The following TENM4 variants were observed in gnomAD, a reference collection of about 807,000 sequenced individuals.
TENM4 encodes the protein teneurin transmembrane protein 4.
TENM4 carries 82 observed loss-of-function variants against 243.3 expected under a neutral mutation model. That is an observed-to-expected ratio of 0.34 (90% CI 0.28 to 0.40). The LOEUF is 0.40. TENM4 is among the 10% of genes least tolerant of loss of function. The pLI is 1.00. For synonymous variants in TENM4, 1,412 were observed against 1,456.3 expected, an observed-to-expected ratio of 0.97 and a Z score of 0.69; for missense variants, 3,138 against 3,673.3, an observed-to-expected ratio of 0.85 and a Z score of 3.77.
chr11:79,328,685 A>G (rs1255211804), intron 1 of TENM4, among the ~76,000 whole-genome samples: 2 of 152,200 alleles, frequency 1.3e-5, no homozygotes, highest in Non-Finnish European at 2.9e-5. Context: ...CGAGGGGATC[A>G]TCTTCTACAA....
chr11:78,772,173 G>C (rs1856659544), intron 17 of TENM4, among the ~76,000 whole-genome samples: 2 of 152,000 alleles, frequency 1.3e-5, no homozygotes, highest in South Asian at 4.2e-4. Context: ...TTATAAAGTG[G>C]GGAAGTTTTT....
intron 2 of TENM4, among the ~76,000 whole-genome samples, chr11:79,272,221 A>G (rs1205892404): frequency 6.6e-6 from 1 of 152,038 alleles, no homozygotes; most frequent in Non-Finnish European, 1.5e-5. Context: ...TTTCCATTCA[A>G]CAGTCATTGC....
At chr11:79,327,677 C>T (rs888592284) in intron 1 of TENM4, among the ~76,000 whole-genome samples, 1 of 143,854 alleles carries the variant, frequency 7.0e-6, no homozygotes. Flanking sequence ...TTTTAACCTC[C>T]AAGTCCTGTA....
At chr11:79,066,494 C>A in intron 5 of TENM4, among the ~76,000 whole-genome samples, 1 of 152,188 alleles carries the variant, frequency 6.6e-6, no homozygotes, top group East Asian at 1.9e-4. Context: ...GAATCCAACA[C>A]CTATCACACC....
At chr11:79,292,197 G>A (rs187768042) in intron 2 of TENM4, among the ~76,000 whole-genome samples, 2 of 152,242 alleles carry the variant, frequency 1.3e-5, no homozygotes, top group East Asian at 3.9e-4. Context: ...CGGTCCATGA[G>A]GTCTTGGGGA....
At chr11:78,912,729 G>C (rs1237039367) in intron 6 of TENM4, among the ~76,000 whole-genome samples, 1 of 152,196 alleles carries the variant, frequency 6.6e-6, no homozygotes, top group African/African-American at 2.4e-5. Flanking sequence ...CAGAGTTTTG[G>C]CAACTGCCAG....
intron 6 of TENM4, among the ~76,000 whole-genome samples, chr11:79,028,689 GCT>G (rs556833514): frequency 6.6e-5 from 10 of 152,188 alleles, no homozygotes; most frequent in Non-Finnish European, 1.5e-4. Flanking sequence ...GTAGCTGTGG[GCT>G]GTGAACTGCT....
chr11:79,299,017 C>T (rs1470063820), intron 1 of TENM4, among the ~76,000 whole-genome samples: 1 of 151,986 alleles, frequency 6.6e-6, no homozygotes, highest in Non-Finnish European at 1.5e-5. Flanking sequence ...GTCATTAAAA[C>T]CATTCGGACA....
chr11:78,775,662 C>T (rs1307264721), intron 17 of TENM4, among the ~76,000 whole-genome samples: 6 of 152,234 alleles, frequency 3.9e-5, no homozygotes, highest in South Asian at 2.1e-4. Context: ...GCAATATGCC[C>T]GTCCTTACCC....
At chr11:79,183,575 G>GTTCA (rs1283272347) in intron 3 of TENM4, among the ~76,000 whole-genome samples, 1 of 152,182 alleles carries the variant, frequency 6.6e-6, no homozygotes, top group Non-Finnish European at 1.5e-5. Flanking sequence ...GTCAATGTAG[G>GTTCA]TTCATCAGTG....
intron 6 of TENM4, among the ~76,000 whole-genome samples, chr11:79,035,785 C>T (rs1434215497): frequency 6.6e-6 from 1 of 152,180 alleles, no homozygotes; most frequent in Non-Finnish European, 1.5e-5. Flanking sequence ...AGCATATTCA[C>T]ATTTGAATTC....
intron 6 of TENM4, among the ~76,000 whole-genome samples, chr11:78,954,771 A>C (rs567459402): frequency 6.6e-6 from 1 of 152,390 alleles, no homozygotes; most frequent in East Asian, 1.9e-4. Context: ...CAGCAGTTTA[A>C]AGGAACATAA....
At chr11:78,706,759 G>A (rs538193399) in intron 27 of TENM4, among the ~76,000 whole-genome samples, 1 of 152,140 alleles carries the variant, frequency 6.6e-6, no homozygotes, top group East Asian at 1.9e-4. Context: ...GAAAATTTTC[G>A]GCACCCTGTG....
intron 1 of TENM4, among the ~76,000 whole-genome samples, chr11:79,437,355 C>A (rs909469163): frequency 6.6e-6 from 1 of 152,238 alleles, no homozygotes; most frequent in Non-Finnish European, 1.5e-5. Flanking sequence ...GAAAGCCCAA[C>A]TGCAGAGCGC....
chr11:78,820,696 A>G (rs1857707542), intron 12 of TENM4, among the ~76,000 whole-genome samples: 1 of 152,254 alleles, frequency 6.6e-6, no homozygotes, highest in Non-Finnish European at 1.5e-5. Context: ...CCACAGACAC[A>G]TAGGCACACA....
Position 78,658,530 on chromosome 11 carries a change from C to T in TENM4, c.7838G>A (p.Gly2613Glu), listed in dbSNP as rs573376955. The T allele has an allele frequency of 6.2e-7, 1 of 1,614,020 alleles. No individual in the cohort carries two copies. The highest frequency in any genetic ancestry group is 2.2e-5 in the East Asian group (1 of 44,886). ...YLENLHFTID[G>E]VDTHYFVKPG... ...TTTCACAAAGTAATGGGTATCCACCCCATCAATGGTGAAGTGCAGGTTCTC... is the reference window on the plus strand; with the variant it reads ...TTTCACAAAGTAATGGGTATCCACCTCATCAATGGTGAAGTGCAGGTTCTC... Residue 2613 changes from glycine to glutamate, a missense_variant, in exon 34 of 34, where the codon GGG becomes GAG. Physicochemically the swap from Gly to Glu is moderately conservative, Grantham distance 98 (BLOSUM62 -2). Transcript: ENST00000278550.
chr11:78,719,270 T>C (rs1159133183), intron 25 of TENM4, among the ~76,000 whole-genome samples: 5 of 152,192 alleles, frequency 3.3e-5, no homozygotes, highest in Non-Finnish European at 7.3e-5. Flanking sequence ...ACTGATGTAA[T>C]CATGGATATC....
intron 6 of TENM4, chr11:79,064,520 T>C: frequency 1.6e-6 from 1 of 615,732 alleles, no homozygotes; most frequent in Non-Finnish European, 2.8e-6. Context: ...GCCTCCCTAA[T>C]CCGGAAGCAA....
intron 10 of TENM4, among the ~76,000 whole-genome samples, chr11:78,861,386 A>G (rs1858815322): frequency 1.3e-5 from 2 of 152,224 alleles, no homozygotes; most frequent in Non-Finnish European, 2.9e-5. Context: ...AGGTGATACC[A>G]CAGGTCAGTG....
Sources: allele counts gnomAD v4.1 joint callset (sites outside exome capture counted in the v4.1 genomes callset), GRCh38; gene constraint gnomAD v4.1.1; transcripts MANE v1.5; gene names NCBI Gene and HGNC (gene_info 2026-07-23, HGNC 2026-07-21).